Variants in TMEM87A observed in about 807,000 individuals in gnomAD.
The protein encoded by TMEM87A is Golgi-pH regulating cation channel.
Under a neutral mutation model 90.0 loss-of-function variants are expected in TMEM87A, and 50 were observed. The observed-to-expected ratio is 0.56, with a 90% confidence interval of 0.44 to 0.70. The LOEUF (loss-of-function observed/expected upper bound fraction) is 0.70. TMEM87A is among the 30% of genes least tolerant of loss of function. The pLI, the probability that TMEM87A is intolerant of heterozygous loss-of-function variation, is 0.00. For synonymous variants in TMEM87A, 226 were observed against 226.7 expected (o/e 1.00, Z 0.03); for missense variants, 577 against 660.5 (o/e 0.87, Z 1.39).
Position 42,272,086 on chromosome 15 carries a change from C to G in TMEM87A, c.182G>C (p.Arg61Thr). The part of the protein sequence containing the change: ...NYFSFGKILF[R>T]NTTIFLKFDG... ...ACACTTCAGGAAGATAGTGGTATTT[C>G]TGAAGAGGATCTTTCCAAAACTAAA... The change falls in exon 2 of 20, where the codon AGA becomes ACA. Residue 61 changes from arginine (R) to threonine (T), a missense_variant. Coordinates refer to ENST00000389834, the MANE Select transcript of TMEM87A (RefSeq NM_015497.5). 1.2e-6 allele frequency: 2 copies of G among 1,606,430 alleles called. No individual in the cohort carries two copies. Among genetic ancestry groups the G allele is most frequent in the Non-Finnish European group, 8.5e-7 (1 of 1,177,396 alleles).
At chr15:42,211,931 A>G (rs1463933160) in intron 19 of TMEM87A, among the ~76,000 whole-genome samples, 182 bp from the exon 20 acceptor site, 1 of 152,234 alleles carries the variant, frequency 6.6e-6, no homozygotes, top group Non-Finnish European at 1.5e-5. Context: ...GACCTCACCC[A>G]AGAACAACTA....
At chr15:42,272,962 C>T (rs1204296242) in intron 1 of TMEM87A, 4 of 579,062 alleles carry the variant, frequency 6.9e-6, no homozygotes, top group Non-Finnish European at 1.3e-5. Context: ...TCCGTTTGTA[C>T]ATCAAGTTTA....
In TMEM87A at chr15:42,237,543, T is replaced by C. The variant is rs1156287544; in HGVS notation, c.757A>G (p.Arg253Gly). Reference sequence around the variant, plus strand: ...CAAAACTGAATTCTCAGGAGATCTCTCCAGTAGCAGGCAGACCATGCCAGC... The same window carrying C: ...CAAAACTGAATTCTCAGGAGATCTCCCCAGTAGCAGGCAGACCATGCCAGC... ...LWLAWSACYW[R>G]DLLRIQFWIG... Residue 253 changes from arginine to glycine, a missense_variant, in exon 9 of 20, where the codon AGA becomes GGA. Arg to Gly is a moderately radical substitution (Grantham distance 125). Coordinates refer to ENST00000389834, the MANE Select transcript of TMEM87A (RefSeq NM_015497.5). 1 of 1,614,054 alleles carries C rather than the reference T, an allele frequency of 6.2e-7. No individual in the cohort carries two copies. The highest frequency in any genetic ancestry group is 1.1e-5 in the South Asian group (1 of 91,076).
chr15:42,236,104 G>A (rs780829664), intron 10 of TMEM87A, among the ~76,000 whole-genome samples: 4 of 151,794 alleles, frequency 2.6e-5, no homozygotes, highest in Non-Finnish European at 4.4e-5. Context: ...TTGGAAGTAT[G>A]GAATATATTT....
At chr15:42,236,194 C>A in intron 10 of TMEM87A, 126 bp downstream of exon 10, 1 of 842,704 alleles carries the variant, frequency 1.2e-6, no homozygotes, top group Non-Finnish European at 1.9e-6. Context: ...ATTTCAAATA[C>A]CTTTCTTGTT....
At chr15:42,226,233 C>T (rs1296363977) in intron 15 of TMEM87A, among the ~76,000 whole-genome samples, 1 of 151,820 alleles carries the variant, frequency 6.6e-6, no homozygotes, top group Non-Finnish European at 1.5e-5. Flanking sequence ...CTCCTGACCT[C>T]AGGTGATCCA....
chr15:42,223,627 C>T (rs2050536414), intron 15 of TMEM87A, among the ~76,000 whole-genome samples: 1 of 152,092 alleles, frequency 6.6e-6, no homozygotes, highest in South Asian at 2.1e-4. Context: ...TGTCATGTGA[C>T]GACCCAGTAA....
chr15:42,226,923 G>A lies in TMEM87A; in HGVS notation c.1300-14C>T. 1 of 1,611,514 alleles carries A rather than the reference G, an allele frequency of 6.2e-7. No individual in the cohort carries two copies. Among genetic ancestry groups the A allele is most frequent in the Non-Finnish European group, 8.5e-7 (1 of 1,177,866 alleles). ...CTCCCGCCAGTCCTACAATACAGGG[G>A]AGAAGTACAACATTTATACACATTA... is the stretch of plus-strand genomic sequence containing the variant. On this transcript the variant is annotated splice_polypyrimidine_tract_variant and intron_variant, in intron 14 of 19. Transcript: ENST00000389834.
chr15:42,251,553 G>A (rs778470084), intron 6 of TMEM87A, among the ~76,000 whole-genome samples: 8 of 152,156 alleles, frequency 5.3e-5, no homozygotes, highest in East Asian at 1.9e-4. Context: ...CACCCTGTTC[G>A]CCTGGTTATC....
intron 6 of TMEM87A, among the ~76,000 whole-genome samples, chr15:42,252,037 G>T (rs993759708): frequency 2.0e-5 from 3 of 152,228 alleles, no homozygotes; most frequent in Non-Finnish European, 4.4e-5. Context: ...CTCCGTGGGC[G>T]TGGGACCCGC....
chr15:42,217,777 T>C, intron 19 of TMEM87A, 26 bp downstream of exon 19: 2 of 1,610,010 alleles, frequency 1.2e-6, no homozygotes, highest in Non-Finnish European at 8.5e-7. Flanking sequence ...ATATACATAA[T>C]TTATGCACGT....
At chr15:42,269,350 CTTTT>C (rs199660918) in intron 2 of TMEM87A, among the ~76,000 whole-genome samples, 4 of 151,334 alleles carry the variant, frequency 2.6e-5, no homozygotes, top group Non-Finnish European at 5.9e-5. Flanking sequence ...TATAAGCTTC[CTTTT>C]TTTTTCTTTT....
intron 6 of TMEM87A, among the ~76,000 whole-genome samples, chr15:42,245,778 C>A (rs1247504307): frequency 6.6e-6 from 1 of 152,058 alleles, no homozygotes; most frequent in Non-Finnish European, 1.5e-5. Flanking sequence ...GTGATCCACC[C>A]ACCTTGGCCT....
Position 42,260,954 on chromosome 15 carries a change from T to A in TMEM87A, c.504+4A>T. ...CAATGCCCCAAATCCCCAAATATAC[T>A]TACGGTTTTGTCTCCAATAAAGGTA... On this transcript the variant is annotated splice_donor_region_variant and intron_variant, in intron 6 of 19. Coordinates refer to ENST00000389834, the MANE Select transcript of TMEM87A (RefSeq NM_015497.5). 6.2e-7 allele frequency: 1 copy of A among 1,607,594 alleles called. No homozygotes were observed. Among genetic ancestry groups the A allele is most frequent in the Non-Finnish European group, 8.5e-7 (1 of 1,177,356 alleles).
At chr15:42,218,724 G>A (rs1429973495) in intron 17 of TMEM87A, among the ~76,000 whole-genome samples, 1 of 152,164 alleles carries the variant, frequency 6.6e-6, no homozygotes, top group Non-Finnish European at 1.5e-5. Flanking sequence ...TCTTCACGCT[G>A]TTGCGAATGA....
intron 6 of TMEM87A, among the ~76,000 whole-genome samples, chr15:42,260,378 C>T (rs1048301453): frequency 1.3e-5 from 2 of 152,074 alleles, no homozygotes; most frequent in Non-Finnish European, 2.9e-5. Context: ...TCTCAAAAAA[C>T]GAAACAAAAC....
At chr15:42,266,087 C>T (rs1309895892) in intron 3 of TMEM87A, among the ~76,000 whole-genome samples, 1 of 152,186 alleles carries the variant, frequency 6.6e-6, no homozygotes. Flanking sequence ...GTTTTGGTTA[C>T]TGTAGCCCTG....
intron 17 of TMEM87A, 31 bp downstream of exon 17, chr15:42,219,550 G>T: frequency 1.3e-6 from 2 of 1,555,646 alleles, no homozygotes; most frequent in Admixed American, 1.8e-5. Flanking sequence ...ATGGGACAAA[G>T]AACAAAGACA....
At chr15:42,229,177 A>T (rs1037479801) in intron 12 of TMEM87A, among the ~76,000 whole-genome samples, 1 of 151,644 alleles carries the variant, frequency 6.6e-6, no homozygotes, top group African/African-American at 2.4e-5. Flanking sequence ...TAATTTTTAA[A>T]TTTTTTTGTA....
Sources: allele counts gnomAD v4.1 joint callset (sites outside exome capture counted in the v4.1 genomes callset), GRCh38; gene constraint gnomAD v4.1.1; transcripts MANE v1.5; gene names NCBI Gene and HGNC (gene_info 2026-07-23, HGNC 2026-07-21).